Variants in MTREX observed in about 807,000 individuals in gnomAD.
MTREX encodes the protein exosome RNA helicase MTR4.
In MTREX, 76 loss-of-function variants were observed where a neutral mutation model predicts 135.4. The observed-to-expected ratio is 0.56, with a 90% CI of 0.47 to 0.68. The LOEUF is 0.68. Ranked by LOEUF, MTREX falls within the 30% of genes least tolerant of loss-of-function variation. MTREX has a pLI of 0.00. For missense variants in MTREX, 920 were observed against 1,262.1 expected (o/e 0.73, Z 4.11); for synonymous variants, 404 against 401.6 (o/e 1.01, Z -0.07).
chr5:55,397,753 A>G (rs1285237324), intron 20 of MTREX, among the ~76,000 whole-genome samples: 2 of 152,230 alleles, frequency 1.3e-5, no homozygotes, highest in Non-Finnish European at 2.9e-5. Flanking sequence ...GAGGACTCAC[A>G]AGGAAAACCA....
intron 1 of MTREX, among the ~76,000 whole-genome samples, chr5:55,315,311 A>T (rs1055048420): frequency 6.6e-6 from 1 of 152,266 alleles, no homozygotes; most frequent in African/African-American, 2.4e-5. Flanking sequence ...ATTTTCCCCA[A>T]TGTTTTGTCA....
At chr5:55,327,214 G>A (rs953512656) in intron 3 of MTREX, among the ~76,000 whole-genome samples, 19 of 152,242 alleles carry the variant, frequency 1.2e-4, no homozygotes, top group African/African-American at 2.4e-5. Context: ...TATATACCCA[G>A]TAATGGGATC....
At chr5:55,405,238 G>A in intron 21 of MTREX, 187 bp from the exon 22 acceptor site, 1 of 495,760 alleles carries the variant, frequency 2.0e-6, no homozygotes, top group East Asian at 2.9e-5. Flanking sequence ...CATTACTCTT[G>A]TGTAATGTTC....
At chr5:55,380,016 A>G (rs913813661) in intron 18 of MTREX, among the ~76,000 whole-genome samples, 4 of 151,932 alleles carry the variant, frequency 2.6e-5, no homozygotes, top group Non-Finnish European at 4.4e-5. Context: ...GCTCACTGCA[A>G]TCTCCGCCTC....
At chr5:55,317,301 T>A (rs1170664403) in intron 1 of MTREX, among the ~76,000 whole-genome samples, 1 of 152,100 alleles carries the variant, frequency 6.6e-6, no homozygotes, top group Non-Finnish European at 1.5e-5. Context: ...TTAAAATTTA[T>A]ATGGAACCAA....
chr5:55,315,461 TAAAC>T (rs1483718352), intron 1 of MTREX, among the ~76,000 whole-genome samples: 1 of 152,204 alleles, frequency 6.6e-6, no homozygotes, highest in Non-Finnish European at 1.5e-5. Flanking sequence ...TTCATTGTGT[TAAAC>T]AGATTGCCCA....
intron 19 of MTREX, among the ~76,000 whole-genome samples, chr5:55,389,737 T>C (rs1750535860): frequency 1.3e-5 from 2 of 152,150 alleles, no homozygotes; most frequent in African/African-American, 4.8e-5. Context: ...AGAAAGAACT[T>C]CACATTTTTC....
chr5:55,310,632 A>G (rs1403683623), intron 1 of MTREX, among the ~76,000 whole-genome samples: 2 of 151,828 alleles, frequency 1.3e-5, no homozygotes, highest in Non-Finnish European at 2.9e-5. Context: ...AAAAAATCCT[A>G]TTTGCCTGAT....
chr5:55,395,885 A>G (rs1397600986), intron 19 of MTREX, among the ~76,000 whole-genome samples: 1 of 152,236 alleles, frequency 6.6e-6, no homozygotes, highest in East Asian at 1.9e-4. Flanking sequence ...TGTGACATCA[A>G]TGCATGATCC....
At chr5:55,359,691 T>C (rs1561196943) in intron 15 of MTREX, among the ~76,000 whole-genome samples, 1 of 152,232 alleles carries the variant, frequency 6.6e-6, no homozygotes, top group African/African-American at 2.4e-5. Context: ...GCTGAAAATT[T>C]GTATTTTTAT....
intron 14 of MTREX, among the ~76,000 whole-genome samples, chr5:55,353,553 A>T (rs920097028): frequency 3.3e-5 from 5 of 152,144 alleles, no homozygotes; most frequent in African/African-American, 1.2e-4. Flanking sequence ...AAATGCAAAA[A>T]TCACCTGGGA....
chr5:55,370,952 A>C (rs910718887), intron 16 of MTREX, among the ~76,000 whole-genome samples: 10 of 152,276 alleles, frequency 6.6e-5, no homozygotes, highest in African/African-American at 2.2e-4. Flanking sequence ...TGGCTCACAT[A>C]CATGAGATGT....
In MTREX at chr5:55,378,557, A is replaced by G. The variant is rs1013492002; in HGVS notation, c.1983+71A>G. ...AAACATATTTTTGTTAAAGATTCTA[A>G]TTTATTTTTTATTCTGATAAAATGC... On this transcript the variant is annotated intron_variant, in intron 17 of 26. Coordinates refer to ENST00000230640, the MANE Select transcript of MTREX (RefSeq NM_015360.5). The G allele has an allele frequency of 1.5e-5, 21 of 1,445,260 alleles. No homozygotes were observed. The East Asian group carries it at 5.1e-4, about 35-fold the overall frequency. The allele number at this position is 1,445,260 out of a possible 1,614,324, so 89.5% of individuals were successfully genotyped here. A position where few individuals can be genotyped will look rare whatever the true frequency, so the allele number is the denominator to read the frequency against.
chr5:55,310,984 G>A (rs1749103515), intron 1 of MTREX, among the ~76,000 whole-genome samples: 1 of 152,066 alleles, frequency 6.6e-6, no homozygotes, highest in Non-Finnish European at 1.5e-5. Flanking sequence ...CTCATAGTAT[G>A]TTGCCCAGGC....
chr5:55,362,784 C>T (rs971328725), intron 15 of MTREX, among the ~76,000 whole-genome samples: 39 of 152,126 alleles, frequency 2.6e-4, no homozygotes, highest in Admixed American at 2.5e-3. Flanking sequence ...TATTAAACAG[C>T]CTTTCAGAAA....
At chr5:55,325,345 T>G (rs559789170) in intron 3 of MTREX, among the ~76,000 whole-genome samples, 17 of 150,370 alleles carry the variant, frequency 1.1e-4, no homozygotes, top group East Asian at 1.9e-4. Flanking sequence ...TTTTGTTTTT[T>G]TTTTTTTTAA....
chr5:55,340,283 G>A (rs1749623132), intron 6 of MTREX, 99 bp downstream of exon 6: 1 of 818,134 alleles, frequency 1.2e-6, no homozygotes, highest in Non-Finnish European at 1.8e-6. Context: ...CTCTACTTAG[G>A]TAAAGTATAG....
chr5:55,397,439 C>T lies in MTREX; in HGVS notation c.2205C>T (p.Leu735=). 1 of 1,609,438 alleles carries T rather than the reference C, an allele frequency of 6.2e-7. No individual in the cohort carries two copies. The change falls in exon 20 of 27, where the codon CTC becomes CTT. Residue 735 remains leucine, a synonymous_variant. Transcript: ENST00000230640. ...EMQVVPVLVH[L]LSAISSVRLY... ...AGGTTGTCCCAGTTTTGGTGCATCT[C>T]CTGTCTGCTATCAGCAGTGTTAGGC...
intron 21 of MTREX, among the ~76,000 whole-genome samples, chr5:55,404,254 A>G (rs1340471960): frequency 6.6e-6 from 1 of 152,106 alleles, no homozygotes; most frequent in African/African-American, 2.4e-5. Context: ...TCAGGATACC[A>G]TTGTTTTTTG....
Sources: allele counts gnomAD v4.1 joint callset (sites outside exome capture counted in the v4.1 genomes callset), GRCh38; gene constraint gnomAD v4.1.1; transcripts MANE v1.5; gene names NCBI Gene and HGNC (gene_info 2026-07-23, HGNC 2026-07-21).